Variants in TMEM200A observed in about 807,000 individuals in gnomAD.
TMEM200A encodes the protein transmembrane protein 200A.
TMEM200A carries 12 observed loss-of-function variants against 24.3 expected under a neutral mutation model. The ratio of observed to expected loss-of-function variants is 0.49; its 90% confidence interval spans 0.32 to 0.80. The LOEUF (loss-of-function observed/expected upper bound fraction) is 0.80, where lower values mean the gene tolerates loss of function less well. Ranked by LOEUF, TMEM200A falls within the 30% of genes least tolerant of loss-of-function variation. TMEM200A has a pLI of 0.04. For synonymous variants in TMEM200A, 224 were observed against 224.4 expected (o/e 1.00, Z 0.02); for missense variants, 545 against 614.4 (o/e 0.89, Z 1.19).
intron 2 of TMEM200A, among the ~76,000 whole-genome samples, chr6:130,389,785 C>G (rs931925119): frequency 6.6e-6 from 1 of 152,158 alleles, no homozygotes; most frequent in Non-Finnish European, 1.5e-5. Flanking sequence ...TTCAAAACTA[C>G]TCAGTAAAAT....
chr6:130,405,386 T>C (rs1250348989), intron 2 of TMEM200A, among the ~76,000 whole-genome samples: 1 of 152,182 alleles, frequency 6.6e-6, no homozygotes, highest in African/African-American at 2.4e-5. Flanking sequence ...TAGTTAGCCG[T>C]ATTCCTGGGT....
chr6:130,412,391 G>A (rs1318370898), intron 2 of TMEM200A, among the ~76,000 whole-genome samples: 1 of 152,052 alleles, frequency 6.6e-6, no homozygotes, highest in Non-Finnish European at 1.5e-5. Context: ...CTGCGTGGCT[G>A]TGCTCTGCAT....
chr6:130,442,073 C>T lies in TMEM200A; in HGVS notation c.*175C>T, dbSNP rs1780208240. The T allele has an allele frequency of 1.7e-6, 1 of 575,134 alleles. No homozygotes were observed. The highest frequency in any genetic ancestry group is 3.0e-6 in the Non-Finnish European group (1 of 329,624). 35.6% of individuals were successfully genotyped at this position (575,134 alleles called of 1,614,324 possible). On this transcript the variant is annotated 3_prime_UTR_variant, in exon 3 of 3. Coordinates refer to ENST00000296978, the MANE Select transcript of TMEM200A (RefSeq NM_001258277.2). ...TGTATGTTTGGGTTACTTGTGACTG[C>T]AGTACTCTATGTTACCACACATGAT...
chr6:130,428,060 G>T (rs1004975190), intron 2 of TMEM200A, among the ~76,000 whole-genome samples: 1 of 152,082 alleles, frequency 6.6e-6, no homozygotes, highest in African/African-American at 2.4e-5. Context: ...TCCTGTTATT[G>T]TTATCTTAGG....
intron 1 of TMEM200A, among the ~76,000 whole-genome samples, chr6:130,371,974 A>G (rs1778331663): frequency 1.3e-5 from 2 of 152,246 alleles, no homozygotes; most frequent in African/African-American, 4.8e-5. Flanking sequence ...AAGCTCACTA[A>G]ATCTTCATTA....
chr6:130,383,169 A>G, intron 1 of TMEM200A: 3 of 553,648 alleles, frequency 5.4e-6, no homozygotes, highest in Non-Finnish European at 6.9e-6. Context: ...CGGGCAAGAC[A>G]GTTCCACTCA....
At chr6:130,434,155 A>G (rs897018063) in intron 2 of TMEM200A, among the ~76,000 whole-genome samples, 1 of 152,224 alleles carries the variant, frequency 6.6e-6, no homozygotes, top group Non-Finnish European at 1.5e-5. Context: ...TCAAACCTTC[A>G]TCAACTCAGT....
At chr6:130,377,799 G>A (rs945553906) in intron 1 of TMEM200A, among the ~76,000 whole-genome samples, 5 of 152,118 alleles carry the variant, frequency 3.3e-5, no homozygotes, top group African/African-American at 1.2e-4. Flanking sequence ...TCCAGCTGGG[G>A]AAGACAGACA....
chr6:130,429,092 A>G (rs563686532), intron 2 of TMEM200A, among the ~76,000 whole-genome samples: 14 of 152,342 alleles, frequency 9.2e-5, no homozygotes, highest in African/African-American at 3.1e-4. Context: ...CAGTGTAACA[A>G]CACCGATTTT....
chr6:130,382,119 T>A, intron 1 of TMEM200A: 1 of 280,338 alleles, frequency 3.6e-6, no homozygotes, highest in Non-Finnish European at 5.4e-6. Flanking sequence ...ATTAGAGCAT[T>A]ACTACCTAAG....
At chr6:130,385,336 T>C (rs1778688029) in intron 2 of TMEM200A, 100 bp downstream of exon 2, 1 of 152,176 alleles carries the variant, frequency 6.6e-6, no homozygotes. Context: ...ATTCTTCCAG[T>C]GAGCTAACAG....
At chr6:130,405,095 C>T (rs929551326) in intron 2 of TMEM200A, among the ~76,000 whole-genome samples, 7 of 152,096 alleles carry the variant, frequency 4.6e-5, no homozygotes, top group Non-Finnish European at 8.8e-5. Context: ...TAGCATGACG[C>T]CTCCAGCTTT....
chr6:130,387,012 T>C (rs894207060), intron 2 of TMEM200A, among the ~76,000 whole-genome samples: 1 of 152,222 alleles, frequency 6.6e-6, no homozygotes, highest in Admixed American at 6.5e-5. Flanking sequence ...TTAATGCTGT[T>C]GAAGTGAGTG....
intron 2 of TMEM200A, among the ~76,000 whole-genome samples, chr6:130,417,222 A>G (rs1018621444): frequency 2.0e-5 from 3 of 152,216 alleles, no homozygotes; most frequent in African/African-American, 7.2e-5. Context: ...CTAATTAAAT[A>G]TTTGTTAGAT....
intron 2 of TMEM200A, among the ~76,000 whole-genome samples, chr6:130,390,934 G>A (rs1036577567): frequency 1.3e-5 from 2 of 152,170 alleles, no homozygotes; most frequent in Non-Finnish European, 2.9e-5. Flanking sequence ...AGGGTGTTTA[G>A]CTCCATCTGT....
chr6:130,395,846 A>T (rs1778940251), intron 2 of TMEM200A, among the ~76,000 whole-genome samples: 2 of 152,250 alleles, frequency 1.3e-5, no homozygotes, highest in South Asian at 4.1e-4. Flanking sequence ...CTGAACTAAT[A>T]GTACTGTGGT....
At chr6:130,388,701 A>G (rs753566218) in intron 2 of TMEM200A, among the ~76,000 whole-genome samples, 2 of 152,188 alleles carry the variant, frequency 1.3e-5, no homozygotes, top group Non-Finnish European at 2.9e-5. Context: ...GTTGATGTTT[A>G]CATTAAATAG....
chr6:130,429,911 A>G (rs1388044841), intron 2 of TMEM200A, among the ~76,000 whole-genome samples: 1 of 152,202 alleles, frequency 6.6e-6, no homozygotes, highest in Non-Finnish European at 1.5e-5. Flanking sequence ...TAGAAAACCA[A>G]ATGAGAAAAC....
intron 1 of TMEM200A, among the ~76,000 whole-genome samples, chr6:130,370,786 C>A (rs1778303921): frequency 6.6e-6 from 1 of 152,106 alleles, no homozygotes; most frequent in Non-Finnish European, 1.5e-5. Context: ...TATCCCTGTG[C>A]CTTATTTCCA....
Sources: gnomAD v4.1 joint callset for allele counts (sites outside exome capture counted in the v4.1 genomes callset) on GRCh38, gnomAD v4.1.1 for gene constraint, MANE v1.5 for transcripts, NCBI Gene and HGNC (gene_info 2026-07-23, HGNC 2026-07-21) for gene names.